NBEA: variants seen among roughly 807,000 people sequenced by gnomAD.
NBEA encodes lysosomal-trafficking regulator 2.
In NBEA, 44 loss-of-function variants were observed where a neutral mutation model predicts 343.4. The ratio of observed to expected loss-of-function variants is 0.13; its 90% CI spans 0.10 to 0.16. The LOEUF is 0.16. Ranked by LOEUF, NBEA falls within the 10% of genes least tolerant of loss-of-function variation. NBEA has a pLI of 1.00. For missense variants in NBEA, 2,555 were observed against 3,631.3 expected (o/e 0.70, Z 7.62); for synonymous variants, 1,175 against 1,238.7 (o/e 0.95, Z 1.08).
intron 40 of NBEA, among the ~76,000 whole-genome samples, chr13:35,454,626 C>T (rs1177930317): frequency 3.3e-5 from 5 of 151,984 alleles, no homozygotes; most frequent in Admixed American, 1.3e-4. Context: ...TTTGGGAGGC[C>T]GAGGTAGGCA....
At chr13:35,468,562 G>A (rs536343740) in intron 40 of NBEA, among the ~76,000 whole-genome samples, 68 of 152,176 alleles carry the variant, frequency 4.5e-4, no homozygotes, top group African/African-American at 1.6e-3. Context: ...CCAGAGCAAA[G>A]CCCTGCTTTC....
intron 44 of NBEA, among the ~76,000 whole-genome samples, chr13:35,560,462 T>G (rs542627520): frequency 6.6e-5 from 10 of 152,336 alleles, no homozygotes; most frequent in African/African-American, 2.4e-4. Flanking sequence ...CTATCTTTAA[T>G]GTAGAAGCTG....
chr13:35,547,654 G>A (rs568030381), intron 41 of NBEA, among the ~76,000 whole-genome samples: 28 of 152,226 alleles, frequency 1.8e-4, no homozygotes, highest in Non-Finnish European at 3.7e-4. Flanking sequence ...TTGGGAGGCC[G>A]AGTCAGGTGG....
At chr13:35,381,538 C>T (rs1341505062) in intron 38 of NBEA, among the ~76,000 whole-genome samples, 3 of 151,976 alleles carry the variant, frequency 2.0e-5, no homozygotes, top group African/African-American at 7.2e-5. Context: ...GGGATGAAAC[C>T]GCCAGGCTTC....
At chr13:35,650,878 C>G (rs957234749) in intron 52 of NBEA, among the ~76,000 whole-genome samples, 1 of 152,134 alleles carries the variant, frequency 6.6e-6, no homozygotes, top group Non-Finnish European at 1.5e-5. Flanking sequence ...TAACCTGAAT[C>G]TTTCTATTTT....
chr13:35,224,793 CATGTG>C (rs1377741408), intron 33 of NBEA, among the ~76,000 whole-genome samples: 2 of 151,930 alleles, frequency 1.3e-5, no homozygotes, highest in Non-Finnish European at 2.9e-5. Context: ...TTTGTTTCTT[CATGTG>C]TAAGGTAATT....
At chr13:35,415,315 A>G (rs1411412472) in intron 38 of NBEA, among the ~76,000 whole-genome samples, 3 of 152,128 alleles carry the variant, frequency 2.0e-5, no homozygotes, top group Non-Finnish European at 2.9e-5. Context: ...GCCCATGCCT[A>G]TGTCCTGAAT....
chr13:35,318,510 T>C (rs1339425048), intron 36 of NBEA, among the ~76,000 whole-genome samples: 1 of 152,150 alleles, frequency 6.6e-6, no homozygotes, highest in African/African-American at 2.4e-5. Flanking sequence ...TGCCAGTATG[T>C]TATTGAGGAT....
At chr13:35,308,869 T>A (rs2037170573) in intron 35 of NBEA, among the ~76,000 whole-genome samples, 1 of 151,454 alleles carries the variant, frequency 6.6e-6, no homozygotes, top group South Asian at 2.1e-4. Flanking sequence ...ATGTTCATAA[T>A]GATGAGCCTT....
At chr13:35,016,653 TAC>T (rs2061670643) in intron 1 of NBEA, among the ~76,000 whole-genome samples, 1 of 151,970 alleles carries the variant, frequency 6.6e-6, no homozygotes, top group Admixed American at 6.6e-5. Context: ...ACAGATTGTA[TAC>T]ACACAAATCA....
Position 35,667,379 on chromosome 13 carries a change from C to G in NBEA, c.8470C>G (p.Pro2824Ala). 6.2e-7 allele frequency: 1 copy of G among 1,613,688 alleles called. No homozygotes were observed. The highest frequency in any genetic ancestry group is 8.5e-7 in the Non-Finnish European group (1 of 1,179,756). Residue 2824 changes from proline (P) to alanine (A), a missense_variant, in exon 57 of 59, where the codon CCT becomes GCT. Around this residue, in one of 21 missense-constraint regions of NBEA, gnomAD observed 186 missense variants for 328.9 expected, o/e 0.57. Transcript: ENST00000379939. ...TTGATGTCCCCACTTTGCAGAGGGC[C>G]CTTGCCTTGTCCACACCATCACTGG... ...GLVISGAKEG[P>A]CLVHTITGDL...
At chr13:35,058,966 T>C (rs940398308) in intron 8 of NBEA, 103 bp downstream of exon 8, 3 of 996,210 alleles carry the variant, frequency 3.0e-6, no homozygotes, top group Non-Finnish European at 4.1e-6. Context: ...TTAAGAGTCA[T>C]TTCTATTTTT....
chr13:35,657,064 T>C (rs916233011), intron 55 of NBEA, among the ~76,000 whole-genome samples: 12 of 152,146 alleles, frequency 7.9e-5, no homozygotes, highest in African/African-American at 2.9e-4. Flanking sequence ...TTGACAGGAA[T>C]ACCGCAAAAA....
intron 38 of NBEA, among the ~76,000 whole-genome samples, chr13:35,395,059 A>G (rs993001367): frequency 2.6e-5 from 4 of 152,114 alleles, no homozygotes; most frequent in African/African-American, 9.7e-5. Flanking sequence ...GAGTGTTCAT[A>G]GAGATCTTGT....
intron 38 of NBEA, among the ~76,000 whole-genome samples, chr13:35,394,025 C>G (rs1358308809): frequency 7.2e-5 from 11 of 152,110 alleles, no homozygotes; most frequent in Admixed American, 1.3e-4. Flanking sequence ...ACCAAGATGA[C>G]TAAGGCTCAC....
chr13:35,419,368 A>G (rs1339002882), intron 38 of NBEA, among the ~76,000 whole-genome samples: 4 of 152,016 alleles, frequency 2.6e-5, no homozygotes, highest in Admixed American at 6.6e-5. Flanking sequence ...CCTTGAGCCT[A>G]TTTTATAAGG....
chr13:35,305,812 C>T (rs1475186309), intron 35 of NBEA, among the ~76,000 whole-genome samples: 16 of 152,280 alleles, frequency 1.1e-4, no homozygotes, highest in Admixed American at 9.2e-4. Context: ...TTTGGCAGAG[C>T]ACACCATCGG....
chr13:35,328,203 T>G (rs1354966673), intron 36 of NBEA, among the ~76,000 whole-genome samples: 1 of 151,964 alleles, frequency 6.6e-6, no homozygotes, highest in East Asian at 1.9e-4. Context: ...TCAAAATCAG[T>G]TATAATAACA....
chr13:35,390,917 G>T (rs1467223157), intron 38 of NBEA, among the ~76,000 whole-genome samples: 1 of 152,122 alleles, frequency 6.6e-6, no homozygotes, highest in East Asian at 1.9e-4. Context: ...GATTGAAGAG[G>T]AGTAATGGTT....
Sources: allele counts gnomAD v4.1 joint callset (sites outside exome capture counted in the v4.1 genomes callset), GRCh38; gene constraint gnomAD v4.1.1; regional missense constraint gnomAD v4.1.1; transcripts MANE v1.5; gene names NCBI Gene and HGNC (gene_info 2026-07-23, HGNC 2026-07-21).